NELL1: variants seen among roughly 807,000 people sequenced by gnomAD.
The protein encoded by NELL1 is neural EGFL like 1.
Under a neutral mutation model 107.4 loss-of-function variants are expected in NELL1, and 76 were observed. That is an observed-to-expected ratio of 0.71 (90% confidence interval 0.59 to 0.86). The LOEUF is 0.86. Ranked by LOEUF, NELL1 falls within the 40% of genes least tolerant of loss-of-function variation. The probability of loss-of-function intolerance (pLI) is 0.00; values close to 1 mark genes in which losing one functional copy is unlikely to be tolerated. For synonymous variants in NELL1, 353 were observed against 341.2 expected (o/e 1.03, Z -0.38); for missense variants, 1,024 against 1,005.5 (o/e 1.02, Z -0.25).
intron 13 of NELL1, among the ~76,000 whole-genome samples, chr11:21,184,581 A>G (rs1856893846): frequency 6.6e-6 from 1 of 151,774 alleles, no homozygotes; most frequent in African/African-American, 2.4e-5. Context: ...GGCATGCTAA[A>G]TTGTGTTTCA....
chr11:21,113,570 C>T lies in NELL1; in HGVS notation c.1301-19C>T. 2 of 1,605,500 alleles carry T rather than the reference C, an allele frequency of 1.2e-6. No homozygotes were observed. Among genetic ancestry groups the T allele is most frequent in the Non-Finnish European group, 1.7e-6 (2 of 1,175,056 alleles). On this transcript the variant is annotated intron_variant, in intron 12 of 19. Transcript: ENST00000357134. ...CATTATTTTGCTAACCATGATCTTA[C>T]TTATTTTTTTTCCTTCAGATATTGA...
chr11:21,232,175 TATAA>T (rs56670369), intron 14 of NELL1, among the ~76,000 whole-genome samples: 45,658 of 118,232 alleles, frequency 0.39, 9,696 homozygotes, highest in East Asian at 0.54. Flanking sequence ...TATATATATA[TATAA>T]ATTAGCTGGG....
At chr11:20,951,150 T>G (rs971523836) in intron 11 of NELL1, among the ~76,000 whole-genome samples, 8 of 152,218 alleles carry the variant, frequency 5.3e-5, no homozygotes, top group Non-Finnish European at 8.8e-5. Flanking sequence ...TTTTGCTCAC[T>G]GTCATTGTCA....
chr11:21,490,352 G>T (rs1461577369), intron 15 of NELL1, among the ~76,000 whole-genome samples: 2 of 151,298 alleles, frequency 1.3e-5, no homozygotes, highest in Admixed American at 6.6e-5. Context: ...TTATTATAAT[G>T]GCCATACTGT....
chr11:20,719,775 T>A (rs889930663), intron 2 of NELL1, among the ~76,000 whole-genome samples: 1 of 152,238 alleles, frequency 6.6e-6, no homozygotes, highest in Non-Finnish European at 1.5e-5. Flanking sequence ...GGCTATGAAA[T>A]AAGAGTGAAA....
At chr11:21,191,259 C>A (rs1298011709) in intron 13 of NELL1, among the ~76,000 whole-genome samples, 1 of 151,682 alleles carries the variant, frequency 6.6e-6, no homozygotes, top group Non-Finnish European at 1.5e-5. Flanking sequence ...GGAGTCCTTA[C>A]AAGTGAAAGA....
At chr11:21,240,165 C>T (rs972976453) in intron 14 of NELL1, among the ~76,000 whole-genome samples, 1 of 152,056 alleles carries the variant, frequency 6.6e-6, no homozygotes, top group African/African-American at 2.4e-5. Flanking sequence ...TTTCTCCCAT[C>T]CTCACTATTC....
At chr11:21,253,831 T>C (rs891806004) in intron 14 of NELL1, among the ~76,000 whole-genome samples, 6 of 152,096 alleles carry the variant, frequency 3.9e-5, no homozygotes, top group Non-Finnish European at 5.9e-5. Flanking sequence ...AGATTATAAT[T>C]TTGTGAGGGC....
At chr11:21,261,307 T>C (rs1024549850) in intron 14 of NELL1, among the ~76,000 whole-genome samples, 1 of 151,702 alleles carries the variant, frequency 6.6e-6, no homozygotes, top group Non-Finnish European at 1.5e-5. Flanking sequence ...ATATTAAGCA[T>C]AGTACCCATT....
At chr11:21,532,987 T>C (rs529671537) in intron 15 of NELL1, among the ~76,000 whole-genome samples, 55 of 152,302 alleles carry the variant, frequency 3.6e-4, no homozygotes, top group Non-Finnish European at 1.9e-4. Flanking sequence ...TCTGGGAATT[T>C]ATAATAAACA....
chr11:20,976,186 T>TTATATCTGTACATATATATGTA (rs1455233283), intron 12 of NELL1, among the ~76,000 whole-genome samples: 10 of 150,814 alleles, frequency 6.6e-5, no homozygotes, highest in Non-Finnish European at 1.3e-4. Context: ...ATATATATGT[T>TTATATCTGTACATATATATGTA]TATATCTGTA....
At chr11:21,102,241 G>T (rs1854838462) in intron 12 of NELL1, among the ~76,000 whole-genome samples, 2 of 152,198 alleles carry the variant, frequency 1.3e-5, no homozygotes, top group African/African-American at 2.4e-5. Context: ...CCTGTCCCAT[G>T]AAATTTTATT....
At chr11:21,360,051 G>C (rs1285490966) in intron 14 of NELL1, among the ~76,000 whole-genome samples, 1 of 151,518 alleles carries the variant, frequency 6.6e-6, no homozygotes, top group East Asian at 1.9e-4. Flanking sequence ...TTTTCTCCTT[G>C]TTTCTCTAGT....
At chr11:21,504,132 C>T (rs1158389398) in intron 15 of NELL1, 1 of 152,194 alleles carries the variant, frequency 6.6e-6, no homozygotes, top group Non-Finnish European at 1.5e-5. Flanking sequence ...GAGCAGGGAC[C>T]TTGTTTGCTC....
intron 2 of NELL1, among the ~76,000 whole-genome samples, chr11:20,691,762 C>T (rs897356422): frequency 1.3e-5 from 2 of 151,948 alleles, no homozygotes; most frequent in Non-Finnish European, 2.9e-5. Context: ...GGTTGTGTCT[C>T]TGACCGGCTT....
At chr11:20,708,054 C>G (rs1198788389) in intron 2 of NELL1, among the ~76,000 whole-genome samples, 1 of 152,222 alleles carries the variant, frequency 6.6e-6, no homozygotes. Flanking sequence ...GGTGAGCGCC[C>G]CTCTCCCAGC....
intron 7 of NELL1, among the ~76,000 whole-genome samples, chr11:20,924,801 A>G (rs1850455389): frequency 6.6e-6 from 1 of 152,204 alleles, no homozygotes; most frequent in South Asian, 2.1e-4. Context: ...TGCCTTGTGT[A>G]GGAACTACTG....
intron 13 of NELL1, among the ~76,000 whole-genome samples, chr11:21,167,019 A>G (rs1204216613): frequency 1.3e-5 from 2 of 151,932 alleles, no homozygotes; most frequent in African/African-American, 4.9e-5. Context: ...GAGTAACAGG[A>G]AAGAACTCAA....
At chr11:21,554,777 A>G (rs1856667854) in intron 16 of NELL1, among the ~76,000 whole-genome samples, 1 of 151,844 alleles carries the variant, frequency 6.6e-6, no homozygotes, top group Non-Finnish European at 1.5e-5. Context: ...GTAAATTTTT[A>G]GAGTCGTACA....
Sources: allele counts gnomAD v4.1 joint callset (sites outside exome capture counted in the v4.1 genomes callset), GRCh38; gene constraint gnomAD v4.1.1; transcripts MANE v1.5; gene names NCBI Gene and HGNC (gene_info 2026-07-23, HGNC 2026-07-21).